STX17: variants seen among roughly 807,000 people sequenced by gnomAD.
The protein encoded by STX17 is syntaxin 17.
In STX17, 29 loss-of-function variants were observed where a neutral mutation model predicts 35.9. The observed-to-expected ratio is 0.81, with a 90% CI of 0.60 to 1.10. STX17 has a LOEUF of 1.10. STX17 is among the 50% of genes least tolerant of loss of function. STX17 has a pLI of 0.00. For synonymous variants in STX17, 92 were observed against 118.3 expected (o/e 0.78, Z 1.44); for missense variants, 312 against 352.3 (o/e 0.89, Z 0.92).
Position 99,944,319 on chromosome 9 carries a change from A to G in STX17, c.190-6741A>G, listed in dbSNP as rs184839638. 1.5e-4 allele frequency among the ~76,000 whole-genome samples: 23 copies of G among 151,574 alleles called. 1 individual carries two copies. The East Asian group carries it at 4.5e-3, about 29-fold the overall frequency. ...TCATCAAATTTATTTTTACATTTTTATTATTTTCTCCTTTCTACTTTTTTT... is the reference window on the plus strand; with the variant it reads ...TCATCAAATTTATTTTTACATTTTTGTTATTTTCTCCTTTCTACTTTTTTT... On this transcript the variant is annotated intron_variant, in intron 3 of 7. Transcript: ENST00000259400.
chr9:99,958,190 C>T (rs921518697), intron 4 of STX17, among the ~76,000 whole-genome samples: 4 of 152,172 alleles, frequency 2.6e-5, no homozygotes, highest in Admixed American at 6.5e-5. Flanking sequence ...ATACTGTTCT[C>T]TCTGACCTGA....
chr9:99,908,677 G>A (rs1022327346), intron 1 of STX17, among the ~76,000 whole-genome samples: 3 of 151,922 alleles, frequency 2.0e-5, no homozygotes, highest in Non-Finnish European at 4.4e-5. Context: ...CTCATCTTGT[G>A]TTTTCTGTGC....
chr9:99,935,344 A>AAG (rs1554699659), intron 3 of STX17, among the ~76,000 whole-genome samples: 1 of 151,988 alleles, frequency 6.6e-6, no homozygotes, highest in African/African-American at 2.4e-5. Context: ...AAAAAAAAAA[A>AAG]AAAAGAAAAA....
chr9:99,912,811 AT>A (rs1828690343), intron 1 of STX17, among the ~76,000 whole-genome samples: 1 of 152,104 alleles, frequency 6.6e-6, no homozygotes, highest in Non-Finnish European at 1.5e-5. Context: ...TTGTTCTTTC[AT>A]CCACCCATTT....
intron 3 of STX17, among the ~76,000 whole-genome samples, chr9:99,932,478 C>T (rs541391707): frequency 2.0e-4 from 30 of 152,206 alleles, no homozygotes; most frequent in African/African-American, 7.0e-4. Context: ...TTCTGCAGCA[C>T]CTGGTGCCCA....
intron 3 of STX17, chr9:99,938,085 T>C (rs895671980): frequency 6.6e-6 from 1 of 152,374 alleles, no homozygotes; most frequent in African/African-American, 2.4e-5. Flanking sequence ...GAGTGAGTGC[T>C]GGGTACTGTT....
chr9:99,926,849 C>G (rs1011013276), intron 2 of STX17, among the ~76,000 whole-genome samples: 4 of 152,126 alleles, frequency 2.6e-5, no homozygotes, highest in African/African-American at 9.7e-5. Flanking sequence ...GCCTTTAGTT[C>G]AGGGCTAATT....
At chr9:99,928,945 TTTG>T (rs1829050888) in intron 3 of STX17, 102 bp downstream of exon 3, 4 of 913,154 alleles carry the variant, frequency 4.4e-6, no homozygotes, top group African/African-American at 1.7e-5. Context: ...TTTATACACA[TTTG>T]TTACTATTTA....
intron 3 of STX17, among the ~76,000 whole-genome samples, chr9:99,929,472 C>T (rs950485695): frequency 6.6e-6 from 1 of 151,740 alleles, no homozygotes; most frequent in Non-Finnish European, 1.5e-5. Flanking sequence ...TTATAATATC[C>T]TATATTCTCC....
intron 4 of STX17, among the ~76,000 whole-genome samples, chr9:99,957,680 G>A (rs1486135083): frequency 1.4e-5 from 2 of 147,498 alleles, no homozygotes; most frequent in African/African-American, 5.0e-5. Flanking sequence ...TTTGAGACAG[G>A]GTCTCGCTCT....
chr9:99,927,527 G>A (rs538902190), intron 2 of STX17, among the ~76,000 whole-genome samples: 48 of 151,776 alleles, frequency 3.2e-4, no homozygotes, highest in Admixed American at 1.4e-3. Context: ...AGGCTGGAGT[G>A]CAGTGTGGCA....
At chr9:99,939,640 C>G (rs1251125761) in intron 3 of STX17, among the ~76,000 whole-genome samples, 1 of 152,166 alleles carries the variant, frequency 6.6e-6, no homozygotes. Flanking sequence ...CTACCTCAGT[C>G]TTTTCCCAAT....
chr9:99,931,471 T>C (rs953221653), intron 3 of STX17, among the ~76,000 whole-genome samples: 1 of 150,562 alleles, frequency 6.6e-6, no homozygotes, highest in African/African-American at 2.5e-5. Flanking sequence ...TCATTTATTC[T>C]TCTGTGTTTT....
intron 6 of STX17, among the ~76,000 whole-genome samples, chr9:99,964,963 A>G (rs959531937): frequency 2.0e-5 from 3 of 152,176 alleles, no homozygotes; most frequent in Non-Finnish European, 4.4e-5. Context: ...GACAAGAGAA[A>G]GGCAGACGTG....
intron 6 of STX17, among the ~76,000 whole-genome samples, chr9:99,960,853 A>C (rs1233342917): frequency 2.6e-5 from 4 of 152,236 alleles, no homozygotes; most frequent in Non-Finnish European, 5.9e-5. Flanking sequence ...TATCAGCTCC[A>C]AGGAAAAGCA....
At chr9:99,907,182 C>T (rs1442155412) in intron 1 of STX17, 1 of 152,308 alleles carries the variant, frequency 6.6e-6, no homozygotes, top group Non-Finnish European at 1.5e-5. Flanking sequence ...AGGCCGGAAG[C>T]CCCTGCTCGC....
Position 99,951,325 on chromosome 9 carries a change from T to C in STX17, c.415+40T>C, listed in dbSNP as rs749792948. ...TAAGTCTTATTCTCAGTCACAGTAG[T>C]GCAGTTAATTAAAGATCACCTCCTT... On this transcript the variant is annotated intron_variant, in intron 4 of 7. Transcript: ENST00000259400. 1.5e-5 allele frequency: 24 copies of C among 1,577,836 alleles called. No individual in the cohort carries two copies. In the East Asian group the frequency reaches 5.4e-4, roughly 35 times the overall value.
chr9:99,966,489 A>G (rs1232660611), intron 6 of STX17, among the ~76,000 whole-genome samples: 1 of 152,230 alleles, frequency 6.6e-6, no homozygotes, highest in East Asian at 1.9e-4. Context: ...GCCTCAATAT[A>G]AATGAATAGG....
At chr9:99,945,765 G>A (rs1180571914) in intron 3 of STX17, 2 of 395,446 alleles carry the variant, frequency 5.1e-6, no homozygotes, top group South Asian at 3.7e-5. Flanking sequence ...ATCAACTGTG[G>A]AACAAAAATT....
Sources: gnomAD v4.1 joint callset for allele counts (sites outside exome capture counted in the v4.1 genomes callset) on GRCh38, gnomAD v4.1.1 for gene constraint, MANE v1.5 for transcripts, NCBI Gene and HGNC (gene_info 2026-07-23, HGNC 2026-07-21) for gene names.